CCSER1: variants seen among roughly 807,000 people sequenced by gnomAD.
CCSER1 encodes serine-rich coiled-coil domain-containing protein 1.
Under a neutral mutation model 82.0 loss-of-function variants are expected in CCSER1, and 41 were observed. The ratio of observed to expected loss-of-function variants is 0.50; its 90% CI spans 0.39 to 0.65. CCSER1 has a LOEUF of 0.65. Among genes scored for constraint, CCSER1 ranks in the 30% least tolerant of loss-of-function variants. The pLI is 0.00. For synonymous variants in CCSER1, 414 were observed against 383.9 expected (o/e 1.08, Z -0.92); for missense variants, 1,119 against 1,064.2 (o/e 1.05, Z -0.72).
At chr4:90,590,968 T>C (rs1782622388) in intron 5 of CCSER1, among the ~76,000 whole-genome samples, 1 of 152,208 alleles carries the variant, frequency 6.6e-6, no homozygotes, top group Non-Finnish European at 1.5e-5. Flanking sequence ...TCCTCTCTTA[T>C]TTCTTTGAAC....
chr4:90,810,719 A>G (rs943887192), intron 7 of CCSER1, among the ~76,000 whole-genome samples: 1 of 152,050 alleles, frequency 6.6e-6, no homozygotes, highest in African/African-American at 2.4e-5. Flanking sequence ...CAAGCAAACA[A>G]CACTTTAAGT....
In CCSER1 at chr4:90,400,136, G is replaced by A. The variant is rs1752604411; in HGVS notation, c.1603+7G>A. On this transcript the variant is annotated splice_region_variant and intron_variant, in intron 4 of 10. Coordinates refer to ENST00000509176, the MANE Select transcript of CCSER1 (RefSeq NM_001145065.2). ...CAGAGTCTTCACCCTTCTGGTAAGT[G>A]TTAAAGAGATGAATAATATCATACA... 2 of 1,496,946 alleles carry A rather than the reference G, an allele frequency of 1.3e-6. No homozygotes were observed. The highest frequency in any genetic ancestry group is 1.9e-6 in the Non-Finnish European group (2 of 1,076,488). 92.7% of individuals were successfully genotyped at this position (1,496,946 alleles called of 1,614,324 possible).
At chr4:90,231,453 G>T (rs1578638129) in intron 1 of CCSER1, among the ~76,000 whole-genome samples, 1 of 149,586 alleles carries the variant, frequency 6.7e-6, no homozygotes, top group African/African-American at 2.5e-5. Flanking sequence ...AATAAATTAG[G>T]TATTGATGGG....
chr4:90,276,662 A>G (rs559030275), intron 1 of CCSER1, among the ~76,000 whole-genome samples: 20 of 152,146 alleles, frequency 1.3e-4, no homozygotes, highest in African/African-American at 3.6e-4. Flanking sequence ...TTTCTAATGC[A>G]TAATGCACTG....
chr4:90,921,175 A>T (rs1415537100), intron 8 of CCSER1, among the ~76,000 whole-genome samples: 2 of 151,936 alleles, frequency 1.3e-5, no homozygotes, highest in Non-Finnish European at 2.9e-5. Flanking sequence ...TAGAAATACA[A>T]GAGCTCCATC....
At chr4:91,084,335 C>T (rs530211657) in intron 9 of CCSER1, among the ~76,000 whole-genome samples, 2 of 152,226 alleles carry the variant, frequency 1.3e-5, no homozygotes, top group South Asian at 4.1e-4. Flanking sequence ...TATGCTGTGC[C>T]TGGCCCTTTG....
chr4:91,265,305 T>C (rs569781346), intron 10 of CCSER1, among the ~76,000 whole-genome samples: 1 of 152,240 alleles, frequency 6.6e-6, no homozygotes, highest in African/African-American at 2.4e-5. Context: ...CATAAACTAT[T>C]ATATATTAAT....
intron 10 of CCSER1, among the ~76,000 whole-genome samples, chr4:91,158,309 C>A (rs926495383): frequency 1.3e-5 from 2 of 151,838 alleles, no homozygotes; most frequent in Admixed American, 6.6e-5. Context: ...GAGGGTTATT[C>A]TTGTTGGCAT....
chr4:90,972,761 A>G (rs1040605728), intron 9 of CCSER1, among the ~76,000 whole-genome samples: 1 of 151,764 alleles, frequency 6.6e-6, no homozygotes, highest in East Asian at 1.9e-4. Context: ...ATCTCAAAAT[A>G]TATTATTAAA....
intron 9 of CCSER1, among the ~76,000 whole-genome samples, chr4:90,988,042 C>T (rs1368522965): frequency 1.3e-5 from 2 of 151,558 alleles, no homozygotes; most frequent in East Asian, 3.9e-4. Flanking sequence ...AACTACCAGG[C>T]ATGGTGGCTC....
intron 6 of CCSER1, among the ~76,000 whole-genome samples, chr4:90,668,449 T>C (rs1409298115): frequency 6.6e-6 from 1 of 152,172 alleles, no homozygotes; most frequent in African/African-American, 2.4e-5. Context: ...AATTACGCGA[T>C]TGATAATTCA....
intron 10 of CCSER1, among the ~76,000 whole-genome samples, chr4:91,528,943 C>T (rs765576170): frequency 2.0e-5 from 3 of 152,032 alleles, no homozygotes. Context: ...TTTAATTAAT[C>T]GATCATAATA....
In CCSER1 at chr4:91,599,347, AT is replaced by A. The variant is rs927621889; in HGVS notation, c.*296del. On this transcript the variant is annotated 3_prime_UTR_variant, in exon 11 of 11. Coordinates refer to ENST00000509176, the MANE Select transcript of CCSER1 (RefSeq NM_001145065.2). ...CGTTTATATAGTCCATAATTTATTTATTTTTTATCTCTATCACTTACTGATA... is the reference window on the plus strand; with the variant it reads ...CGTTTATATAGTCCATAATTTATTTATTTTTATCTCTATCACTTACTGATA... 4.1e-6 allele frequency: 1 copy of A among 244,404 alleles called. No individual in the cohort carries two copies. The highest frequency in any genetic ancestry group is 7.8e-6 in the Non-Finnish European group (1 of 127,630). 15.1% of individuals were successfully genotyped at this position (244,404 alleles called of 1,614,324 possible).
chr4:90,412,636 A>T (rs1755066331), intron 4 of CCSER1, among the ~76,000 whole-genome samples: 1 of 152,184 alleles, frequency 6.6e-6, no homozygotes. Context: ...CACAAGCAAA[A>T]CAGAATTAAA....
chr4:91,534,043 C>T (rs976864189), intron 10 of CCSER1, among the ~76,000 whole-genome samples: 1 of 152,002 alleles, frequency 6.6e-6, no homozygotes, highest in Non-Finnish European at 1.5e-5. Context: ...TATTCAAAAT[C>T]CTCTGGCAAC....
chr4:91,470,188 G>T (rs2149442979), intron 10 of CCSER1, among the ~76,000 whole-genome samples: 1 of 152,278 alleles, frequency 6.6e-6, no homozygotes, highest in East Asian at 1.9e-4. Flanking sequence ...TAAACTGAAT[G>T]TTGAATTTGA....
chr4:90,645,081 TAAA>T (rs70963077), intron 6 of CCSER1, among the ~76,000 whole-genome samples: 5 of 131,336 alleles, frequency 3.8e-5, no homozygotes, highest in Non-Finnish European at 3.3e-5. Context: ...AAACTCCGTC[TAAA>T]AAAAAAAAAA....
intron 3 of CCSER1, among the ~76,000 whole-genome samples, chr4:90,335,703 A>T (rs912135364): frequency 1.3e-5 from 2 of 152,176 alleles, no homozygotes; most frequent in African/African-American, 4.8e-5. Context: ...TATTTCCCCC[A>T]TGAAAAACTG....
At chr4:91,503,427 G>A (rs905116540) in intron 10 of CCSER1, among the ~76,000 whole-genome samples, 23 of 151,822 alleles carry the variant, frequency 1.5e-4, no homozygotes, top group African/African-American at 5.1e-4. Flanking sequence ...GAAAATATTA[G>A]AAATAAAGTA....
Sources: gnomAD v4.1 joint callset for allele counts (sites outside exome capture counted in the v4.1 genomes callset) on GRCh38, gnomAD v4.1.1 for gene constraint, MANE v1.5 for transcripts, NCBI Gene and HGNC (gene_info 2026-07-23, HGNC 2026-07-21) for gene names.